COPB1: variants seen among roughly 807,000 people sequenced by gnomAD.
The protein encoded by COPB1 is coatomer subunit beta.
A neutral mutation model predicts 108.7 loss-of-function variants in COPB1; 21 were observed. That is an observed-to-expected ratio of 0.19 (90% confidence interval 0.14 to 0.28). COPB1 has a LOEUF of 0.28. COPB1 is among the 10% of genes least tolerant of loss of function. The probability of loss-of-function intolerance (pLI) is 1.00; values close to 1 mark genes in which losing one functional copy is unlikely to be tolerated. For missense variants in COPB1, 919 were observed against 1,141.3 expected (o/e 0.81, Z 2.81); for synonymous variants, 378 against 386.8 (o/e 0.98, Z 0.27).
At chr11:14,483,234 A>G (rs1188636069) in intron 7 of COPB1, 83 bp from the exon 8 acceptor site, 12 of 346,608 alleles carry the variant, frequency 3.5e-5, no homozygotes, top group Non-Finnish European at 4.8e-5. Context: ...CACACCACAC[A>G]CACACACACA....
intron 18 of COPB1, 63 bp downstream of exon 18, chr11:14,464,848 C>T (rs1423956016): frequency 7.1e-6 from 11 of 1,557,790 alleles, no homozygotes; most frequent in African/African-American, 5.4e-5. Context: ...TCCCCAGCTA[C>T]TCACTATAGA....
At chr11:14,461,412 G>T (rs1166278946) in intron 18 of COPB1, 81 bp from the exon 19 acceptor site, 1 of 1,376,992 alleles carries the variant, frequency 7.3e-7, no homozygotes. Flanking sequence ...AATATCCAAA[G>T]AACTACACTA....
intron 5 of COPB1, among the ~76,000 whole-genome samples, chr11:14,489,562 C>T (rs534929480): frequency 1.2e-4 from 18 of 152,122 alleles, no homozygotes; most frequent in Non-Finnish European, 2.4e-4. Context: ...AAAGAAATTC[C>T]AACACATGCC....
In COPB1 at chr11:14,475,861, A is replaced by G. The variant is rs747311156; in HGVS notation, c.1540T>C (p.Leu514=). ...EEITVGPVQK[L]VTEMGTYATQ... ...GCATAGGTACCCATTTCAGTAACCAATTTCTGAACTGGCCCTACAGTTATT... is the reference window on the plus strand; with the variant it reads ...GCATAGGTACCCATTTCAGTAACCAGTTTCTGAACTGGCCCTACAGTTATT... Residue 514 remains leucine (L), a synonymous_variant, in exon 13 of 22, where the codon TTG becomes CTG. Coordinates refer to ENST00000439561, the MANE Select transcript of COPB1 (RefSeq NM_001144061.2). 11 of 1,613,794 alleles carry G rather than the reference A, an allele frequency of 6.8e-6. No individual in the cohort carries two copies. In the East Asian group the frequency reaches 1.3e-4, roughly 20 times the overall value.
At position 14,483,055 on chromosome 11, in the gene COPB1, G is replaced by C. The variant is rs759304532; in HGVS notation, c.934C>G (p.Pro312Ala). The C allele has an allele frequency of 1.3e-6, 2 of 1,574,592 alleles. No individual in the cohort carries two copies. Among genetic ancestry groups the C allele is most frequent in the African/African-American group, 1.3e-5 (1 of 74,416 alleles). ...ACCTGTAGTACTCGTTCATGAGCAGGATGCTCTTTTAATTCTATCAAGCGA... is the reference window on the plus strand; with the variant it reads ...ACCTGTAGTACTCGTTCATGAGCAGCATGCTCTTTTAATTCTATCAAGCGA... ...LDRLIELKEHPAHERVLQDLV... is the reference protein window; with the variant it reads ...LDRLIELKEHAAHERVLQDLV... The change falls in exon 8 of 22, where the codon CCT becomes GCT. Residue 312 changes from proline to alanine, a missense_variant. Pro to Ala is a conservative substitution (Grantham distance 27, BLOSUM62 -1). Transcript: ENST00000439561.
At chr11:14,490,790 TGC>T in intron 4 of COPB1, 111 bp from the exon 5 acceptor site, 3 of 640,930 alleles carry the variant, frequency 4.7e-6, no homozygotes, top group African/African-American at 1.9e-5. Flanking sequence ...AACATACTTT[TGC>T]TTTTTTTTTT....
At chr11:14,478,957 C>CAAAAA (rs35295507) in intron 11 of COPB1, 112 of 68,322 alleles carry the variant, frequency 1.6e-3, no homozygotes, top group South Asian at 2.9e-3. Context: ...AGCCCTCTCA[C>CAAAAA]AAAAAAAAAA....
chr11:14,486,328 T>C (rs1296800192), intron 7 of COPB1, 39 bp downstream of exon 7: 1 of 1,610,342 alleles, frequency 6.2e-7, no homozygotes, highest in African/African-American at 1.3e-5. Flanking sequence ...AGACAGAAAA[T>C]CTATCATCTA....
intron 6 of COPB1, among the ~76,000 whole-genome samples, chr11:14,487,239 T>C (rs1850793550): frequency 6.6e-6 from 1 of 152,238 alleles, no homozygotes; most frequent in African/African-American, 2.4e-5. Flanking sequence ...TCCTAAAATA[T>C]ATATAGTCAA....
At chr11:14,459,204 TTAAA>T (rs1168601447) in intron 20 of COPB1, among the ~76,000 whole-genome samples, 7 of 152,046 alleles carry the variant, frequency 4.6e-5, no homozygotes, top group African/African-American at 1.4e-4. Flanking sequence ...AAATCTGATG[TTAAA>T]TAAATAGTTC....
At chr11:14,470,677 G>GA (rs1269385926) in intron 14 of COPB1, among the ~76,000 whole-genome samples, 1 of 151,906 alleles carries the variant, frequency 6.6e-6, no homozygotes, top group Non-Finnish European at 1.5e-5. Flanking sequence ...CCCAAGTTTG[G>GA]ATACTGTCTC....
At position 14,468,828 on chromosome 11, in the gene COPB1, C is replaced by G. The variant is rs781370944; in HGVS notation, c.1998G>C (p.Gln666His). Residue 666 changes from glutamine (Q) to histidine (H), a missense_variant, in exon 16 of 22, where the codon CAG becomes CAC. By Grantham distance (24) the Gln-to-His change is conservative. Coordinates refer to ENST00000439561, the MANE Select transcript of COPB1 (RefSeq NM_001144061.2). Reference sequence around the variant, plus strand: ...GCATGAAGGAAATGGGGTCATCAGGCTGTACTGTCACATTCCTCTTTTCAG... The same window carrying G: ...GCATGAAGGAAATGGGGTCATCAGGGTGTACTGTCACATTCCTCTTTTCAG... ...KESEKRNVTVQPDDPISFMQL... is the reference protein window; with the variant it reads ...KESEKRNVTVHPDDPISFMQL... 6.2e-7 allele frequency: 1 copy of G among 1,614,038 alleles called. No individual in the cohort carries two copies. The highest frequency in any genetic ancestry group is 8.5e-7 in the Non-Finnish European group (1 of 1,179,924).
chr11:14,458,584 T>C lies in COPB1; in HGVS notation c.2750A>G (p.Gln917Arg), dbSNP rs1850076996. ...GCCGGTAACAGCAGCATCTGGTCCC[T>C]GGTGAATTGGCTTCTCAATGCTGAC... ...ANVSIEKPIH[Q>R]GPDAAVTGHI... The change falls in exon 21 of 22, where the codon CAG (glutamine) becomes CGG (arginine). Residue 917 changes from glutamine (Q) to arginine (R), a missense_variant. By Grantham distance (43) the Gln-to-Arg change is conservative (BLOSUM62 1). Around this residue, in one of 5 missense-constraint regions of COPB1, gnomAD observed 705 missense variants for 817.8 expected, o/e 0.86. Coordinates refer to ENST00000439561, the MANE Select transcript of COPB1 (RefSeq NM_001144061.2). 1 of 1,613,850 alleles carries C rather than the reference T, an allele frequency of 6.2e-7. No homozygotes were observed. The highest frequency in any genetic ancestry group is 8.5e-7 in the Non-Finnish European group (1 of 1,179,848).
chr11:14,477,081 G>T, intron 11 of COPB1, 66 bp from the exon 12 acceptor site: 1 of 1,135,022 alleles, frequency 8.8e-7, no homozygotes, highest in Non-Finnish European at 1.3e-6. Flanking sequence ...ATCTTTCTTT[G>T]TTAATTTAAG....
intron 16 of COPB1, 28 bp from the exon 17 acceptor site, chr11:14,466,454 C>CA: frequency 6.3e-7 from 1 of 1,595,184 alleles, no homozygotes; most frequent in Middle Eastern, 1.7e-4. Flanking sequence ...AAGACATAAT[C>CA]AAATGACAGA....
Position 14,498,991 on chromosome 11 carries a change from A to C in COPB1, c.-57-6T>G. The C allele has an allele frequency of 7.5e-7, 1 of 1,328,804 alleles. No individual in the cohort carries two copies. Among genetic ancestry groups the C allele is most frequent in the Non-Finnish European group, 1.0e-6 (1 of 956,854 alleles). 82.3% of individuals were successfully genotyped at this position (1,328,804 alleles called of 1,614,324 possible). A position where few individuals can be genotyped will look rare whatever the true frequency, so the allele number is the denominator to read the frequency against. On this transcript the variant is annotated splice_polypyrimidine_tract_variant and splice_region_variant and intron_variant, in intron 1 of 21. Transcript: ENST00000439561. ...ATTTAAGGATGCCAGAAAATCTAGA[A>C]AAATAAACACAGACATATCATTACA...
intron 14 of COPB1, among the ~76,000 whole-genome samples, chr11:14,473,524 G>T (rs1850453534): frequency 6.6e-6 from 1 of 152,054 alleles, no homozygotes; most frequent in Admixed American, 6.5e-5. Context: ...CAATATTGTG[G>T]TATCTCAGGG....
chr11:14,494,628 G>A (rs1315860277), intron 2 of COPB1, 189 bp from the exon 3 acceptor site: 1 of 511,214 alleles, frequency 2.0e-6, no homozygotes, highest in African/African-American at 1.9e-5. Context: ...CTTTGCTCAA[G>A]TCATTTATCT....
chr11:14,474,330 T>A, intron 14 of COPB1, 165 bp downstream of exon 14: 1 of 500,404 alleles, frequency 2.0e-6, no homozygotes. Flanking sequence ...GGAAGATACT[T>A]TATCAATTTT....
Sources: allele counts gnomAD v4.1 joint callset (sites outside exome capture counted in the v4.1 genomes callset), GRCh38; gene constraint gnomAD v4.1.1; regional missense constraint gnomAD v4.1.1; transcripts MANE v1.5; gene names NCBI Gene and HGNC (gene_info 2026-07-23, HGNC 2026-07-21).